Variants in HSP90AA1 observed in about 807,000 individuals in gnomAD.
HSP90AA1 encodes heat shock protein HSP 90-alpha.
A neutral mutation model predicts 73.3 loss-of-function variants in HSP90AA1; 18 were observed. The ratio of observed to expected loss-of-function variants is 0.25; its 90% CI spans 0.17 to 0.36. The LOEUF (loss-of-function observed/expected upper bound fraction) is 0.36, where lower values mean the gene tolerates loss of function less well. Among genes scored for constraint, HSP90AA1 ranks in the 10% least tolerant of loss-of-function variants. The probability of loss-of-function intolerance (pLI) is 1.00; values close to 1 mark genes in which losing one functional copy is unlikely to be tolerated. For synonymous variants in HSP90AA1, 477 were observed against 296.9 expected (o/e 1.61, Z -6.24); for missense variants, 704 against 874.2 (o/e 0.81, Z 2.45).
At chr14:102,088,559 A>G (rs1406497956), upstream of HSP90AA1, among the ~76,000 whole-genome samples, 1 of 152,202 alleles carries the variant, frequency 6.6e-6, no homozygotes, top group African/African-American at 2.4e-5. Flanking sequence ...ACTAGCAGCC[A>G]CGTGGCGCGG....
rs768629798 is a variant in HSP90AA1 at position 102,085,442 on chromosome 14, A to C, written c.530-11T>G. The C allele has an allele frequency of 4.8e-5, 73 of 1,535,012 alleles. No individual in the cohort carries two copies. The highest frequency in any genetic ancestry group is 6.0e-5 in the Non-Finnish European group (69 of 1,146,208). ...GACCCATAGGTTCACCTGCAAGAGA[A>C]GAAAGAAAAATTGACTTAATACATT... is the stretch of plus-strand genomic sequence containing the variant. On this transcript the variant is annotated splice_polypyrimidine_tract_variant and intron_variant, in intron 3 of 10. Transcript: ENST00000216281.
intron 8 of HSP90AA1, 41 bp downstream of exon 8, chr14:102,083,504 TG>T (rs1462884962): frequency 2.5e-6 from 4 of 1,595,306 alleles, no homozygotes; most frequent in Non-Finnish European, 3.4e-6. Context: ...CCTACAAGAT[TG>T]TAAGAACGAC....
intron 1 of HSP90AA1, among the ~76,000 whole-genome samples, chr14:102,138,101 A>G (rs2050065445): frequency 6.6e-6 from 1 of 152,192 alleles, no homozygotes; most frequent in African/African-American, 2.4e-5. Context: ...TTGAATTTAT[A>G]TAGGGTAAAA....
chr14:102,103,322 A>G (rs1367718168), intron 1 of HSP90AA1, among the ~76,000 whole-genome samples: 1 of 146,282 alleles, frequency 6.8e-6, no homozygotes, highest in Non-Finnish European at 1.5e-5. Flanking sequence ...CGAGTCTCCT[A>G]CCTCCTACCT....
chr14:102,086,139 T>C lies in HSP90AA1; in HGVS notation c.163-15A>G. 3 of 1,613,944 alleles carry C rather than the reference T, an allele frequency of 1.9e-6. No individual in the cohort carries two copies. The highest frequency in any genetic ancestry group is 8.5e-7 in the Non-Finnish European group (1 of 1,179,848). On this transcript the variant is annotated splice_polypyrimidine_tract_variant and intron_variant, in intron 2 of 10. Transcript: ENST00000216281. ...TTGTCCAATGCCTGTTAACAAAAAA[T>C]ATTAATTTAAGCATACAGCACCCCC...
intron 9 of HSP90AA1, 145 bp downstream of exon 9, chr14:102,082,889 G>A: frequency 1.2e-6 from 1 of 816,098 alleles, no homozygotes; most frequent in Non-Finnish European, 2.1e-6. Flanking sequence ...AAAGTGCTGG[G>A]ATTGCAGGCG....
intron 1 of HSP90AA1, 36 bp downstream of exon 1, chr14:102,086,950 A>C (rs2049256612): frequency 6.3e-6 from 6 of 953,492 alleles, no homozygotes; most frequent in Non-Finnish European, 7.5e-6. Flanking sequence ...CCCGGTCCCC[A>C]GTCCACCTCC....
At chr14:102,099,989 C>A (rs1445356607) in intron 2 of HSP90AA1, among the ~76,000 whole-genome samples, 5 of 152,098 alleles carry the variant, frequency 3.3e-5, no homozygotes, top group African/African-American at 9.7e-5. Flanking sequence ...GAGTTCAAGA[C>A]CAGCCTGGGT....
At chr14:102,084,247 T>C (rs1289883364) in intron 6 of HSP90AA1, 152 bp downstream of exon 6, 3 of 738,988 alleles carry the variant, frequency 4.1e-6, no homozygotes, top group East Asian at 2.6e-5. Context: ...GGTTTCACCA[T>C]GTTGCCCAGG....
intron 1 of HSP90AA1, among the ~76,000 whole-genome samples, chr14:102,117,427 G>A (rs1020857904): frequency 1.3e-5 from 2 of 152,072 alleles, no homozygotes; most frequent in African/African-American, 4.8e-5. Flanking sequence ...AAAAGCCCAG[G>A]ACTCAGCCAG....
chr14:102,129,239 C>T (rs1341168959), intron 1 of HSP90AA1, among the ~76,000 whole-genome samples: 1 of 148,554 alleles, frequency 6.7e-6, no homozygotes, highest in Non-Finnish European at 1.5e-5. Flanking sequence ...AGGGTTCAAG[C>T]AATTCTCCTG....
chr14:102,138,357 T>G (rs1018894342), intron 1 of HSP90AA1, among the ~76,000 whole-genome samples: 1 of 152,206 alleles, frequency 6.6e-6, no homozygotes, highest in Non-Finnish European at 1.5e-5. Context: ...ATAACACAGT[T>G]ATGGAGTTTG....
chr14:102,135,954 C>T (rs1026041738), intron 1 of HSP90AA1, among the ~76,000 whole-genome samples: 10 of 152,228 alleles, frequency 6.6e-5, no homozygotes, highest in Admixed American at 5.9e-4. Context: ...CAGAAAGGGG[C>T]TCCCACAGTG....
rs745651687 is a variant in HSP90AA1 at position 102,080,755 on chromosome 14, GTGAC to G, written c.*953_*956del. ...AGACACTGTAAGGCCAAGGAATTAAGTGACTGTATTTAACACAGAAGGTATTCCA... is the reference window on the plus strand; with the variant it reads ...AGACACTGTAAGGCCAAGGAATTAAGTGTATTTAACACAGAAGGTATTCCA... On this transcript the variant is annotated 3_prime_UTR_variant, in exon 11 of 11. Transcript: ENST00000216281. 22 of 211,332 alleles carry G rather than the reference GTGAC, an allele frequency of 1.0e-4. No individual in the cohort carries two copies. Among genetic ancestry groups the G allele is most frequent in the Admixed American group, 2.9e-4 (5 of 16,966 alleles). The allele number at this position is 211,332 out of a possible 1,614,324, so 13.1% of individuals were successfully genotyped here. A position where few individuals can be genotyped will look rare whatever the true frequency, so the allele number is the denominator to read the frequency against.
At chr14:102,119,473 C>T (rs1035892791) in intron 1 of HSP90AA1, among the ~76,000 whole-genome samples, 1 of 151,900 alleles carries the variant, frequency 6.6e-6, no homozygotes. Context: ...TCATATCTAC[C>T]AACTAGTTGT....
intron 1 of HSP90AA1, among the ~76,000 whole-genome samples, chr14:102,138,214 T>A (rs930790537): frequency 1.5e-4 from 1 of 6,524 alleles, no homozygotes; most frequent in Non-Finnish European, 9.4e-4. Flanking sequence ...CTCGCTGGGT[T>A]TTTTTCCCCC....
At chr14:102,105,034 T>TAA (rs35769966) in intron 1 of HSP90AA1, among the ~76,000 whole-genome samples, 4 of 97,482 alleles carry the variant, frequency 4.1e-5, no homozygotes, top group Non-Finnish European at 8.4e-5. Context: ...TCATCTCTAC[T>TAA]AAAAAAAAAA....
intron 1 of HSP90AA1, among the ~76,000 whole-genome samples, chr14:102,119,794 TC>T (rs1315488750): frequency 6.6e-6 from 1 of 152,076 alleles, no homozygotes; most frequent in African/African-American, 2.4e-5. Flanking sequence ...GCCGTTTTCC[TC>T]TTCTTTATGC....
At chr14:102,122,679 AT>A (rs1213321945) in intron 1 of HSP90AA1, among the ~76,000 whole-genome samples, 2 of 146,660 alleles carry the variant, frequency 1.4e-5, no homozygotes, top group Admixed American at 1.4e-4. Flanking sequence ...TTTTATATAT[AT>A]TTTTTGAGAC....
Sources: gnomAD v4.1 joint callset for allele counts (sites outside exome capture counted in the v4.1 genomes callset) on GRCh38, gnomAD v4.1.1 for gene constraint, MANE v1.5 for transcripts, NCBI Gene and HGNC (gene_info 2026-07-23, HGNC 2026-07-21) for gene names.